TIE1: variants seen among roughly 807,000 people sequenced by gnomAD.
TIE1 encodes the protein tyrosine kinase with immunoglobulin like and EGF like domains 1, also known as tyrosine-protein kinase receptor Tie-1.
Under a neutral mutation model 130.5 loss-of-function variants are expected in TIE1, and 89 were observed. That is an observed-to-expected ratio of 0.68 (90% CI 0.57 to 0.81). TIE1 has a LOEUF of 0.81. TIE1 is among the 40% of genes least tolerant of loss of function. The pLI is 0.00. For missense variants in TIE1, 1,392 were observed against 1,559.8 expected (o/e 0.89, Z 1.81); for synonymous variants, 568 against 629.4 (o/e 0.90, Z 1.46).
At chr1:43,308,948 C>A (rs754750843) in intron 7 of TIE1, 38 bp from the exon 8 acceptor site, 6 of 1,613,758 alleles carry the variant, frequency 3.7e-6, no homozygotes, top group South Asian at 1.1e-5. Flanking sequence ...CGTGTCTGCC[C>A]CTGTGGGAGC....
rs74069551 is a variant in TIE1, at chr1:43,306,209, G to A, written c.485-631G>A. The stretch of plus-strand genomic sequence containing the variant: ...GAGAAGTGGGAAGACAAAGAAGGCA[G>A]AAAAGGAAGGAAGGGCCTTCCAGGA... On this transcript the variant is annotated intron_variant, in intron 3 of 22. Transcript: ENST00000372476. The surrounding 1 kb of genome is among the most constrained non-coding windows in gnomAD (Gnocchi z 4.9). Among the ~76,000 whole-genome samples the A allele has an allele frequency of 9.7e-3, 1,479 of 152,296 alleles. 25 individuals are homozygous for A. The highest frequency in any genetic ancestry group is 0.033 in the African/African-American group (1,382 of 41,566).
chr1:43,312,509 C>A lies in TIE1; in HGVS notation c.1835C>A (p.Pro612His). Residue 612 changes from proline to histidine, a missense_variant, in exon 12 of 23, where the codon CCT becomes CAT. Around this residue, in one of 6 missense-constraint regions of TIE1, gnomAD observed 551 missense variants for 565.5 expected, o/e 0.97. Coordinates refer to ENST00000372476, the MANE Select transcript of TIE1 (RefSeq NM_005424.5). The surrounding 1 kb of genome is among the most constrained non-coding windows in gnomAD (Gnocchi z 5.6). ...ACTGCCCTCCTGACGGGACTCACGC[C>A]TGGCACCCACTACCAGCTGGATGTG... ...ARTALLTGLT[P>H]GTHYQLDVQL... 1 of 1,613,350 alleles carries A rather than the reference C, an allele frequency of 6.2e-7. No homozygotes were observed.
rs961362239 is a variant in TIE1, at chr1:43,319,054, G to C, written c.2923-181G>C. On this transcript the variant is annotated intron_variant, in intron 17 of 22. Coordinates refer to ENST00000372476, the MANE Select transcript of TIE1 (RefSeq NM_005424.5). The surrounding 1 kb of genome is among the most constrained non-coding windows in gnomAD (Gnocchi z 4.7). ...ACTTGGTCAGGGCCCAGGAACGAGC[G>C]GGTGAGAGCCAACACTGATCTTTCT... 6.6e-6 allele frequency among the ~76,000 whole-genome samples: 1 copy of C among 152,082 alleles called. No individual in the cohort carries two copies. Among genetic ancestry groups the C allele is most frequent in the Non-Finnish European group, 1.5e-5 (1 of 68,016 alleles).
At position 43,315,647 on chromosome 1, in the gene TIE1, G is replaced by C. The variant is rs1161141109; in HGVS notation, c.2410-1552G>C. Among the ~76,000 whole-genome samples, 1 of 151,882 alleles carries C rather than the reference G, an allele frequency of 6.6e-6. No individual in the cohort carries two copies. ...CCAGCCTGGATGACAGAGTGAGTGA[G>C]ACTCCATCTCAAAAAAAAAAATCCA... On this transcript the variant is annotated intron_variant, in intron 14 of 22. Transcript: ENST00000372476. This position sits in a 1 kb window ranked among gnomAD's most constrained non-coding sequence, Gnocchi z 4.4.
chr1:43,319,559 G>T lies in TIE1; in HGVS notation c.3107+30G>T, dbSNP rs1281598430. ...GTGTGAGATGAGAGGGCACAGGAGGGCTTGGCCCCCAAGAATCACCCAGGC... is the reference window on the plus strand; with the variant it reads ...GTGTGAGATGAGAGGGCACAGGAGGTCTTGGCCCCCAAGAATCACCCAGGC... On this transcript the variant is annotated intron_variant, in intron 19 of 22. Coordinates refer to ENST00000372476, the MANE Select transcript of TIE1 (RefSeq NM_005424.5). The surrounding 1 kb of genome is among the most constrained non-coding windows in gnomAD (Gnocchi z 4.7). The T allele has an allele frequency of 6.2e-7, 1 of 1,609,680 alleles. No individual in the cohort carries two copies. The highest frequency in any genetic ancestry group is 1.3e-5 in the African/African-American group (1 of 74,892).
Position 43,312,369 on chromosome 1 carries a change from C to A in TIE1, c.1695C>A (p.Ser565Arg), listed in dbSNP as rs759765247. Residue 565 changes from serine (S) to arginine (R), a missense_variant, in exon 12 of 23, where the codon AGC becomes AGA. Physicochemically the swap from Ser to Arg is moderately radical, Grantham distance 110. This residue lies in a region of TIE1 where 551 missense variants were observed against 565.5 expected (regional missense o/e 0.97). Transcript: ENST00000372476. This position sits in a 1 kb window ranked among gnomAD's most constrained non-coding sequence, Gnocchi z 5.6. Reference protein sequence around the residue: ...HVEGTDRLRVSWSLPLVPGPL... With the variant: ...HVEGTDRLRVRWSLPLVPGPL... ...AAGGCACTGACCGGCTGCGAGTGAG[C>A]TGGTCCTTGCCCTTGGTGCCCGGGC... 1 of 1,590,388 alleles carries A rather than the reference C, an allele frequency of 6.3e-7. No homozygotes were observed. The highest frequency in any genetic ancestry group is 8.6e-7 in the Non-Finnish European group (1 of 1,167,230).
Position 43,301,023 on chromosome 1 carries a change from T to C in TIE1, c.-49T>C. The C allele has an allele frequency of 6.6e-7, 1 of 1,518,064 alleles. No individual in the cohort carries two copies. The highest frequency in any genetic ancestry group is 9.0e-7 in the Non-Finnish European group (1 of 1,117,036). 94.0% of individuals were successfully genotyped at this position (1,518,064 alleles called of 1,614,324 possible). A position where few individuals can be genotyped will look rare whatever the true frequency, so the allele number is the denominator to read the frequency against. On this transcript the variant is annotated 5_prime_UTR_variant, in exon 1 of 23. Coordinates refer to ENST00000372476, the MANE Select transcript of TIE1 (RefSeq NM_005424.5). ...GCTGAGCAGTCAGGCCCACAGCATC[T>C]GACCCCAGGCCCAGCTCGTCCTGGC...
Position 43,305,344 on chromosome 1 carries a change from G to A in TIE1, c.484+1G>A. 6.7e-7 allele frequency: 1 copy of A among 1,490,470 alleles called. No homozygotes were observed. The highest frequency in any genetic ancestry group is 8.9e-7 in the Non-Finnish European group (1 of 1,122,552). 92.3% of individuals were successfully genotyped at this position (1,490,470 alleles called of 1,614,324 possible). On this transcript the variant is annotated splice_donor_variant, in intron 3 of 22. Coordinates refer to ENST00000372476, the MANE Select transcript of TIE1 (RefSeq NM_005424.5). LOFTEE classifies it high-confidence loss of function. ...ACAGACGTGATCTGGAAGAGCAACG[G>A]TAAAGAGGGGCATTTGAACTGGTGG...
chr1:43,302,856 G>T (rs950378065), intron 1 of TIE1, among the ~76,000 whole-genome samples: 2 of 152,042 alleles, frequency 1.3e-5, no homozygotes, highest in Middle Eastern at 3.4e-3. Flanking sequence ...AAGGCAGGCT[G>T]GGGGGGTGGG....
Position 43,315,329 on chromosome 1 carries a change from T to C in TIE1, c.2409+1361T>C, listed in dbSNP as rs1268777778. 6.6e-6 allele frequency: 1 copy of C among 152,242 alleles called. No individual in the cohort carries two copies. Among genetic ancestry groups the C allele is most frequent in the African/African-American group, 2.4e-5 (1 of 41,472 alleles). 9.4% of individuals were successfully genotyped at this position (152,242 alleles called of 1,614,324 possible). On this transcript the variant is annotated intron_variant, in intron 14 of 22. Coordinates refer to ENST00000372476, the MANE Select transcript of TIE1 (RefSeq NM_005424.5). This position sits in a 1 kb window ranked among gnomAD's most constrained non-coding sequence, Gnocchi z 4.4. ...CTCTCTCAAGGGCTGATCCTTGTGA[T>C]AGAAAGCCTAGTGTCTCTGCTATGC...
At chr1:43,308,628 G>A (rs1013073536) in intron 7 of TIE1, among the ~76,000 whole-genome samples, 1 of 152,188 alleles carries the variant, frequency 6.6e-6, no homozygotes, top group African/African-American at 2.4e-5. Flanking sequence ...ATCCGTGTTG[G>A]AGAAAGGACC....
Position 43,307,668 on chromosome 1 carries a change from C to T in TIE1, c.913+96C>T, listed in dbSNP as rs986291241. 1.7e-5 allele frequency: 28 copies of T among 1,602,468 alleles called. No homozygotes were observed. Among genetic ancestry groups the T allele is most frequent in the Non-Finnish European group, 2.4e-5 (28 of 1,172,156 alleles). On this transcript the variant is annotated intron_variant, in intron 6 of 22. Coordinates refer to ENST00000372476, the MANE Select transcript of TIE1 (RefSeq NM_005424.5). This position sits in a 1 kb window ranked among gnomAD's most constrained non-coding sequence, Gnocchi z 5.4. ...CTGCCTCTGACTTACGCAGCAAGCC[C>T]TCCTGCTCACTTGACCAGTCCTTCT...
intron 3 of TIE1, among the ~76,000 whole-genome samples, chr1:43,305,599 C>G (rs1016198338): frequency 2.0e-5 from 3 of 152,192 alleles, no homozygotes; most frequent in African/African-American, 7.2e-5. Context: ...CAAATGAGCA[C>G]GATGTTAAAC....
intron 1 of TIE1, among the ~76,000 whole-genome samples, chr1:43,302,262 A>G (rs946642897): frequency 1.3e-5 from 2 of 152,178 alleles, no homozygotes; most frequent in Non-Finnish European, 2.9e-5. Context: ...CCAGCCTCCT[A>G]TGGTTGTTAT....
chr1:43,320,221 T>C (rs1646900518), intron 19 of TIE1: 1 of 152,792 alleles, frequency 6.5e-6, no homozygotes, highest in Non-Finnish European at 1.5e-5. Context: ...AGTAAGAGCT[T>C]TGGAGCCTGA....
Position 43,312,686 on chromosome 1 carries a change from T to C in TIE1, c.1927+85T>C. On this transcript the variant is annotated intron_variant, in intron 12 of 22. Transcript: ENST00000372476. The surrounding 1 kb of genome is among the most constrained non-coding windows in gnomAD (Gnocchi z 5.6). Reference sequence around the variant, plus strand: ...ATGAGACCTAGGAGACACGGGAGGCTGTAGGAGATTAATGGACATGGAGAG... The same window carrying C: ...ATGAGACCTAGGAGACACGGGAGGCCGTAGGAGATTAATGGACATGGAGAG... The C allele has an allele frequency of 1.4e-6, 2 of 1,453,948 alleles. No individual in the cohort carries two copies. The highest frequency in any genetic ancestry group is 2.1e-5 in the Admixed American group (1 of 47,264). The allele number at this position is 1,453,948 out of a possible 1,614,324, so 90.1% of individuals were successfully genotyped here.
Position 43,322,809 on chromosome 1 carries a change from A to T in TIE1, c.*87A>T. On this transcript the variant is annotated 3_prime_UTR_variant, in exon 23 of 23. Transcript: ENST00000372476. The surrounding 1 kb of genome is among the most constrained non-coding windows in gnomAD (Gnocchi z 4.0). ...ACCAGTCTGACCCTTACAGCCTCTG[A>T]CTTAAGCTGCCTCAAGGAATTTTTT... 1 of 1,315,546 alleles carries T rather than the reference A, an allele frequency of 7.6e-7. No individual in the cohort carries two copies. Among genetic ancestry groups the T allele is most frequent in the Non-Finnish European group, 1.1e-6 (1 of 935,756 alleles). 81.5% of individuals were successfully genotyped at this position (1,315,546 alleles called of 1,614,324 possible).
chr1:43,307,730 G>A lies in TIE1; in HGVS notation c.914-66G>A, dbSNP rs534213674. On this transcript the variant is annotated intron_variant, in intron 6 of 22. Transcript: ENST00000372476. This position sits in a 1 kb window ranked among gnomAD's most constrained non-coding sequence, Gnocchi z 5.4. ...GTTGTATAACCTGTGCCCCATCTGC[G>A]CCCTCATCTGTGCCCTCATTGCCCC... 3.7e-5 allele frequency: 59 copies of A among 1,606,054 alleles called. No homozygotes were observed. Among genetic ancestry groups the A allele is most frequent in the Admixed American group, 2.3e-4 (14 of 59,780 alleles).
chr1:43,318,145 C>A lies in TIE1; in HGVS notation c.2922+73C>A, dbSNP rs1557453656. On this transcript the variant is annotated intron_variant, in intron 17 of 22. Transcript: ENST00000372476. The surrounding 1 kb of genome is among the most constrained non-coding windows in gnomAD (Gnocchi z 4.4). ...GCTGGTGTCAGTGGAAGAAGTCAGC[C>A]GGCCCTGATTGTATCTGGGGATTGA... 6.7e-7 allele frequency: 1 copy of A among 1,486,178 alleles called. No individual in the cohort carries two copies. Among genetic ancestry groups the A allele is most frequent in the Non-Finnish European group, 9.0e-7 (1 of 1,116,482 alleles). 92.1% of individuals were successfully genotyped at this position (1,486,178 alleles called of 1,614,324 possible).
Sources: allele counts gnomAD v4.1 joint callset (sites outside exome capture counted in the v4.1 genomes callset), GRCh38; gene constraint gnomAD v4.1.1; regional missense constraint gnomAD v4.1.1; non-coding constraint Gnocchi (gnomAD v3.1); transcripts MANE v1.5; gene names NCBI Gene and HGNC (gene_info 2026-07-23, HGNC 2026-07-21).